Variants in LARP1B observed in about 807,000 individuals in gnomAD.
LARP1B encodes the protein La ribonucleoprotein 1B.
Under a neutral mutation model 114.2 loss-of-function variants are expected in LARP1B, and 76 were observed. The observed-to-expected ratio is 0.67, with a 90% confidence interval of 0.55 to 0.81. The LOEUF (loss-of-function observed/expected upper bound fraction) is 0.81. LARP1B is among the 30% of genes least tolerant of loss of function. The pLI is 0.00. For synonymous variants in LARP1B, 345 were observed against 348.0 expected, an observed-to-expected ratio of 0.99 and a Z score of 0.10; for missense variants, 1,014 against 1,075.8, an observed-to-expected ratio of 0.94 and a Z score of 0.80.
intron 6 of LARP1B, among the ~76,000 whole-genome samples, chr4:128,219,796 AAAATAAATAAAT>A (rs368581014): frequency 3.5e-4 from 52 of 148,026 alleles, no homozygotes; most frequent in African/African-American, 8.0e-4. Flanking sequence ...AAAGTATAAT[AAAATAAATAAAT>A]AAATAAATAA....
chr4:128,183,301 G>A (rs1749199596), intron 15 of LARP1B, among the ~76,000 whole-genome samples: 1 of 152,194 alleles, frequency 6.6e-6, no homozygotes, highest in Non-Finnish European at 1.5e-5. Context: ...TTCAAGGGAT[G>A]GGGCTGACTC....
intron 7 of LARP1B, among the ~76,000 whole-genome samples, 195 bp downstream of exon 7, chr4:128,091,707 C>G (rs890186577): frequency 3.3e-5 from 5 of 151,410 alleles, no homozygotes; most frequent in South Asian, 2.1e-4. Flanking sequence ...AGTGATTGTT[C>G]CGCCTCAGCC....
In LARP1B at chr4:128,179,518, A is replaced by C. The variant is rs111435076; in HGVS notation, c.2003+6A>C. The C allele has an allele frequency of 2.2e-5, 34 of 1,529,552 alleles. No individual in the cohort carries two copies. Among genetic ancestry groups the C allele is most frequent in the Non-Finnish European group, 2.8e-5 (32 of 1,127,702 alleles). The allele number at this position is 1,529,552 out of a possible 1,614,324, so 94.7% of individuals were successfully genotyped here. On this transcript the variant is annotated splice_donor_region_variant and intron_variant, in intron 15 of 19. Coordinates refer to ENST00000326639, the MANE Select transcript of LARP1B (RefSeq NM_018078.4). Reference sequence around the variant, plus strand: ...CCAGGAACATCCTCTGTCAGGTACTATATTTCTCAAACATTACTTTTTTGT... The same window carrying C: ...CCAGGAACATCCTCTGTCAGGTACTCTATTTCTCAAACATTACTTTTTTGT...
At chr4:128,181,434 T>C (rs981829386) in intron 15 of LARP1B, among the ~76,000 whole-genome samples, 1 of 152,144 alleles carries the variant, frequency 6.6e-6, no homozygotes, top group African/African-American at 2.4e-5. Context: ...TGTCTTGGCC[T>C]CCTCAGGTGC....
At chr4:128,100,654 T>C (rs1203513141) in intron 8 of LARP1B, among the ~76,000 whole-genome samples, 1 of 152,184 alleles carries the variant, frequency 6.6e-6, no homozygotes, top group African/African-American at 2.4e-5. Context: ...CATACCTTAT[T>C]AGTGGAAATG....
rs114828946 is a variant in LARP1B at position 128,207,174 on chromosome 4, T to C, written c.2420-82T>C. On this transcript the variant is annotated intron_variant, in intron 18 of 19. Coordinates refer to ENST00000326639, the MANE Select transcript of LARP1B (RefSeq NM_018078.4). Reference sequence around the variant, plus strand: ...AGCATATATTGGAAGATAAATTGTTTATTGCTGATAGGATTATATTTAATG... The same window carrying C: ...AGCATATATTGGAAGATAAATTGTTCATTGCTGATAGGATTATATTTAATG... 2,153 of 611,594 alleles carry C rather than the reference T, an allele frequency of 3.5e-3. 5 individuals are homozygous for C. The highest frequency in any genetic ancestry group is 4.4e-3 in the Non-Finnish European group (1,795 of 406,200). 37.9% of individuals were successfully genotyped at this position (611,594 alleles called of 1,614,324 possible).
At chr4:128,185,000 A>G (rs1324760785) in intron 15 of LARP1B, among the ~76,000 whole-genome samples, 2 of 152,186 alleles carry the variant, frequency 1.3e-5, no homozygotes, top group Non-Finnish European at 2.9e-5. Flanking sequence ...ATTTACACAT[A>G]TATACATATA....
intron 15 of LARP1B, among the ~76,000 whole-genome samples, chr4:128,191,067 A>T (rs1362867082): frequency 6.6e-6 from 1 of 151,344 alleles, no homozygotes; most frequent in Non-Finnish European, 1.5e-5. Flanking sequence ...GCAATGTGAG[A>T]GCCTGTAATC....
intron 1 of LARP1B, chr4:128,069,136 G>C: frequency 9.2e-7 from 1 of 1,083,164 alleles, no homozygotes. Flanking sequence ...CCTGCAGATG[G>C]CAGCCCATGC....
intron 7 of LARP1B, 63 bp from the exon 8 acceptor site, chr4:128,098,123 G>A: frequency 7.7e-7 from 1 of 1,291,502 alleles, no homozygotes; most frequent in South Asian, 1.3e-5. Flanking sequence ...AGTTAATGTG[G>A]GAGCAATAGA....
intron 12 of LARP1B, among the ~76,000 whole-genome samples, chr4:128,169,002 GTCTTTTTT>G (rs1193034999): frequency 6.6e-6 from 1 of 152,038 alleles, no homozygotes; most frequent in Non-Finnish European, 1.5e-5. Flanking sequence ...GACTAAGTAA[GTCTTTTTT>G]CTCAGGTGAG....
At chr4:128,166,369 G>A (rs1300036413) in intron 12 of LARP1B, among the ~76,000 whole-genome samples, 2 of 151,686 alleles carry the variant, frequency 1.3e-5, no homozygotes, top group East Asian at 1.9e-4. Context: ...AGTCACCAGC[G>A]TTTTCTCCTT....
At chr4:128,065,408 C>T (rs951059321) in intron 1 of LARP1B, among the ~76,000 whole-genome samples, 2 of 134,112 alleles carry the variant, frequency 1.5e-5, no homozygotes, top group Non-Finnish European at 3.3e-5. Flanking sequence ...TGGAGTCTCT[C>T]TGTGTTTCCC....
At chr4:128,080,095 C>T (rs1769704131) in intron 4 of LARP1B, among the ~76,000 whole-genome samples, 1 of 151,876 alleles carries the variant, frequency 6.6e-6, no homozygotes, top group African/African-American at 2.4e-5. Flanking sequence ...AGCGATTCTC[C>T]TGCCTCAGCC....
chr4:128,164,927 G>A (rs1740086789), intron 12 of LARP1B, among the ~76,000 whole-genome samples: 1 of 151,962 alleles, frequency 6.6e-6, no homozygotes, highest in Admixed American at 6.6e-5. Context: ...AGTGGAAAAT[G>A]AAAGAACTAA....
At chr4:128,133,852 A>G (rs1282630888) in intron 11 of LARP1B, among the ~76,000 whole-genome samples, 1 of 152,012 alleles carries the variant, frequency 6.6e-6, no homozygotes, top group South Asian at 2.1e-4. Flanking sequence ...CTGCACCACC[A>G]TGCCCGACCA....
At chr4:128,100,616 A>G (rs575500421) in intron 8 of LARP1B, among the ~76,000 whole-genome samples, 39 of 152,112 alleles carry the variant, frequency 2.6e-4, no homozygotes, top group Non-Finnish European at 5.1e-4. Flanking sequence ...TAAAGTTGTT[A>G]GCAGTTTTTC....
intron 8 of LARP1B, among the ~76,000 whole-genome samples, chr4:128,105,760 TG>T (rs1781854836): frequency 6.6e-6 from 1 of 151,982 alleles, no homozygotes; most frequent in Non-Finnish European, 1.5e-5. Flanking sequence ...GGTGTGGTAG[TG>T]GGTGCCTGTA....
At position 128,135,036 on chromosome 4, in the gene LARP1B, G is replaced by C. The variant is rs190285865; in HGVS notation, c.1524+12848G>C. Reference sequence around the variant, plus strand: ...GGAATCGCTTGAACCCCGGAGGTGGGGGTTGTGGTGAGCTGAGATCGCACC... The same window carrying C: ...GGAATCGCTTGAACCCCGGAGGTGGCGGTTGTGGTGAGCTGAGATCGCACC... On this transcript the variant is annotated intron_variant, in intron 11 of 19. Transcript: ENST00000326639. Among the ~76,000 whole-genome samples, 255 of 151,904 alleles carry C rather than the reference G, an allele frequency of 1.7e-3. 1 individual carries two copies. Among genetic ancestry groups the C allele is most frequent in the African/African-American group, 5.9e-3 (245 of 41,458 alleles).
Sources: allele counts gnomAD v4.1 joint callset (sites outside exome capture counted in the v4.1 genomes callset), GRCh38; gene constraint gnomAD v4.1.1; transcripts MANE v1.5; gene names NCBI Gene and HGNC (gene_info 2026-07-23, HGNC 2026-07-21).